Variants in GALNT7 observed in about 807,000 individuals in gnomAD.
The protein encoded by GALNT7 is polypeptide N-acetylgalactosaminyltransferase 7, also known as N-acetylgalactosaminyltransferase 7.
Under a neutral mutation model 82.1 loss-of-function variants are expected in GALNT7, and 60 were observed. The observed-to-expected ratio is 0.73, with a 90% CI of 0.59 to 0.91. The LOEUF (loss-of-function observed/expected upper bound fraction) is 0.91. Among genes scored for constraint, GALNT7 ranks in the 40% least tolerant of loss-of-function variants. The pLI, the probability that GALNT7 is intolerant of heterozygous loss-of-function variation, is 0.00. For synonymous variants in GALNT7, 243 were observed against 275.1 expected, an observed-to-expected ratio of 0.88 and a Z score of 1.15; for missense variants, 660 against 804.2, an observed-to-expected ratio of 0.82 and a Z score of 2.17.
chr4:173,181,170 T>C (rs1732236170), intron 1 of GALNT7, among the ~76,000 whole-genome samples: 1 of 152,256 alleles, frequency 6.6e-6, no homozygotes, highest in Admixed American at 6.5e-5. Context: ...GTAGATGTTC[T>C]TAAACTAAAA....
intron 2 of GALNT7, among the ~76,000 whole-genome samples, chr4:173,279,140 T>A (rs1348018585): frequency 2.0e-5 from 3 of 152,094 alleles, no homozygotes; most frequent in African/African-American, 7.2e-5. Context: ...GAAAAGAGGT[T>A]TAATTGGCTC....
At chr4:173,285,580 G>A (rs548457656) in intron 2 of GALNT7, among the ~76,000 whole-genome samples, 21 of 152,298 alleles carry the variant, frequency 1.4e-4, no homozygotes, top group Admixed American at 1.3e-3. Context: ...AAATATTAAA[G>A]TCATATGAAC....
chr4:173,178,711 T>C (rs1339311052), intron 1 of GALNT7, among the ~76,000 whole-genome samples: 1 of 152,216 alleles, frequency 6.6e-6, no homozygotes, highest in Non-Finnish European at 1.5e-5. Context: ...CTTTACATTA[T>C]CTAATTAGGT....
At chr4:173,272,460 G>A (rs1189754496) in intron 2 of GALNT7, among the ~76,000 whole-genome samples, 2 of 152,186 alleles carry the variant, frequency 1.3e-5, no homozygotes, top group African/African-American at 2.4e-5. Context: ...CTCTTTCAGA[G>A]TGAGAATTAA....
intron 1 of GALNT7, among the ~76,000 whole-genome samples, chr4:173,231,947 T>G (rs1734043060): frequency 6.6e-6 from 1 of 152,068 alleles, no homozygotes; most frequent in Non-Finnish European, 1.5e-5. Flanking sequence ...TATAGGACAG[T>G]TAGAGAATTA....
intron 1 of GALNT7, among the ~76,000 whole-genome samples, chr4:173,215,010 C>T (rs1327886462): frequency 6.6e-6 from 1 of 152,142 alleles, no homozygotes. Context: ...TGGACCCATT[C>T]CTTTCTGTAA....
chr4:173,221,332 G>C (rs957688776), intron 1 of GALNT7, among the ~76,000 whole-genome samples: 3 of 152,214 alleles, frequency 2.0e-5, no homozygotes, highest in Admixed American at 6.5e-5. Flanking sequence ...AGATGCTGGA[G>C]TTACAGCAGA....
chr4:173,300,751 C>A (rs79848179), intron 6 of GALNT7, among the ~76,000 whole-genome samples: 1 of 152,028 alleles, frequency 6.6e-6, no homozygotes, highest in African/African-American at 2.4e-5. Context: ...ATAAAGGACA[C>A]AAGCTCGGGA....
intron 1 of GALNT7, among the ~76,000 whole-genome samples, chr4:173,214,578 A>G (rs1371095266): frequency 1.3e-5 from 2 of 152,302 alleles, no homozygotes; most frequent in South Asian, 4.1e-4. Context: ...GAGAAAAGAG[A>G]CTTAACAGAT....
chr4:173,295,222 C>T (rs958208044), intron 3 of GALNT7, among the ~76,000 whole-genome samples, 174 bp from the exon 4 acceptor site: 1 of 152,164 alleles, frequency 6.6e-6, no homozygotes, highest in African/African-American at 2.4e-5. Context: ...GCATAGTAAA[C>T]TCAAAATTAA....
chr4:173,235,556 C>CTTTTTTTTTTT (rs11421248), intron 1 of GALNT7, among the ~76,000 whole-genome samples: 10 of 140,784 alleles, frequency 7.1e-5, no homozygotes, highest in Non-Finnish European at 1.2e-4. Context: ...CTTTTCTTTT[C>CTTTTTTTTTTT]TTTTTTTTTT....
At chr4:173,222,654 A>G (rs1465338730) in intron 1 of GALNT7, among the ~76,000 whole-genome samples, 8 of 152,132 alleles carry the variant, frequency 5.3e-5, no homozygotes. Flanking sequence ...ATCTCATTTG[A>G]TCTTCTTGAC....
intron 1 of GALNT7, chr4:173,169,521 C>T (rs2126609643): frequency 6.6e-6 from 1 of 151,802 alleles, no homozygotes; most frequent in African/African-American, 2.4e-5. Flanking sequence ...CCGGCCCGCC[C>T]GCCGGGGAGT....
intron 1 of GALNT7, among the ~76,000 whole-genome samples, chr4:173,211,937 C>G (rs1733296573): frequency 6.6e-6 from 1 of 152,172 alleles, no homozygotes; most frequent in South Asian, 2.1e-4. Context: ...CTGGATTTTT[C>G]AGGTTAAAAT....
intron 2 of GALNT7, among the ~76,000 whole-genome samples, chr4:173,273,427 G>C (rs1735795783): frequency 6.6e-6 from 1 of 152,058 alleles, no homozygotes; most frequent in African/African-American, 2.4e-5. Flanking sequence ...CCATAAGGAG[G>C]CCCCTGTTGT....
At chr4:173,291,564 A>C (rs1736532551) in intron 2 of GALNT7, among the ~76,000 whole-genome samples, 1 of 152,210 alleles carries the variant, frequency 6.6e-6, no homozygotes, top group Non-Finnish European at 1.5e-5. Flanking sequence ...GCTAATTTAA[A>C]AGCTCTAAAC....
At position 173,182,804 on chromosome 4, in the gene GALNT7, A is replaced by C. The variant is rs1732295053; in HGVS notation, c.126+13843A>C. Among the ~76,000 whole-genome samples the C allele has an allele frequency of 2.2e-5, 3 of 135,052 alleles. No homozygotes were observed. The South Asian group carries it at 7.7e-4, about 35-fold the overall frequency. 88.6% of individuals were successfully genotyped at this position (135,052 alleles called of 152,430 possible). On this transcript the variant is annotated intron_variant, in intron 1 of 11. Transcript: ENST00000265000. ...GTTGCCTCTGAATGATGAGGCTAGTAGGTTACTCATAATACACACACACAC... is the reference window on the plus strand; with the variant it reads ...GTTGCCTCTGAATGATGAGGCTAGTCGGTTACTCATAATACACACACACAC...
chr4:173,188,920 T>G (rs942289500), intron 1 of GALNT7, among the ~76,000 whole-genome samples: 6 of 152,282 alleles, frequency 3.9e-5, no homozygotes, highest in African/African-American at 1.4e-4. Context: ...ACACCCTACT[T>G]TATATTATTC....
At chr4:173,192,936 G>GACGGCACAGAGTTGGTTGGTAGGC (rs1732668280) in intron 1 of GALNT7, among the ~76,000 whole-genome samples, 1 of 152,174 alleles carries the variant, frequency 6.6e-6, no homozygotes, top group Non-Finnish European at 1.5e-5. Flanking sequence ...GTCCACTAAA[G>GACGGCACAGAGTTGGTTGGTAGGC]ACGGCACAGA....
Sources: gnomAD v4.1 joint callset for allele counts (sites outside exome capture counted in the v4.1 genomes callset) on GRCh38, gnomAD v4.1.1 for gene constraint, MANE v1.5 for transcripts, NCBI Gene and HGNC (gene_info 2026-07-23, HGNC 2026-07-21) for gene names.